Variants in NAALADL2 observed in about 807,000 individuals in gnomAD.
NAALADL2 encodes inactive N-acetylated-alpha-linked acidic dipeptidase-like protein 2.
In NAALADL2, 76 loss-of-function variants were observed where a neutral mutation model predicts 87.2. The observed-to-expected ratio is 0.87, with a 90% CI of 0.72 to 1.05. The LOEUF is 1.05. Among genes scored for constraint, NAALADL2 ranks in the 50% least tolerant of loss-of-function variants. The pLI, the probability that NAALADL2 is intolerant of heterozygous loss-of-function variation, is 0.00. For missense variants in NAALADL2, 1,089 were observed against 945.8 expected, an observed-to-expected ratio of 1.15 and a Z score of -1.99; for synonymous variants, 354 against 331.0, an observed-to-expected ratio of 1.07 and a Z score of -0.75.
intron 2 of NAALADL2, among the ~76,000 whole-genome samples, chr3:174,606,890 G>C (rs937458111): frequency 1.3e-5 from 2 of 152,144 alleles, no homozygotes; most frequent in African/African-American, 4.8e-5. Context: ...AAGTTGAAAT[G>C]AAGGAAAAAA....
chr3:175,187,644 CT>C (rs995345230), intron 2 of NAALADL2, among the ~76,000 whole-genome samples: 9 of 151,364 alleles, frequency 5.9e-5, no homozygotes, highest in South Asian at 2.1e-4. Context: ...GAAGACACAT[CT>C]TTTTTTTTAA....
intron 9 of NAALADL2, among the ~76,000 whole-genome samples, chr3:175,551,173 A>C (rs1417992928): frequency 1.3e-5 from 2 of 152,198 alleles, no homozygotes; most frequent in East Asian, 3.9e-4. Context: ...GCTACAGGCA[A>C]TACTTAAAAG....
chr3:174,587,394 A>C (rs1027906933), intron 2 of NAALADL2, among the ~76,000 whole-genome samples: 6 of 152,118 alleles, frequency 3.9e-5, no homozygotes, highest in Non-Finnish European at 7.4e-5. Flanking sequence ...TAATATTGTT[A>C]TGTGTGAATT....
intron 3 of NAALADL2, among the ~76,000 whole-genome samples, chr3:175,234,591 G>A (rs1195816020): frequency 2.0e-5 from 3 of 152,190 alleles, no homozygotes; most frequent in African/African-American, 7.2e-5. Context: ...AAGAAATTAA[G>A]TGGAAAATTG....
chr3:175,497,141 A>G (rs920726452), intron 9 of NAALADL2, among the ~76,000 whole-genome samples: 2 of 152,022 alleles, frequency 1.3e-5, no homozygotes, highest in Non-Finnish European at 2.9e-5. Context: ...TGACATGACC[A>G]TAGCTCACTG....
At chr3:175,174,795 A>ATG (rs767210969) in intron 2 of NAALADL2, among the ~76,000 whole-genome samples, 12,196 of 131,200 alleles carry the variant, frequency 0.093, 1,308 homozygotes, top group African/African-American at 0.26. Context: ...GTGTATATAT[A>ATG]TGTGTGTGTG....
chr3:174,987,591 A>AT lies in NAALADL2; in HGVS notation c.44-109199_44-109198insT, dbSNP rs1560446063. ...CTCAAAAAAAAAAAAAAAAAAAAAA[A>AT]AAAAAAACAATACTCATCAGAGAGC... is the stretch of plus-strand genomic sequence containing the variant. On this transcript the variant is annotated intron_variant, in intron 1 of 13. Transcript: ENST00000454872. Among the ~76,000 whole-genome samples the AT allele has an allele frequency of 4.9e-3, 691 of 140,658 alleles. 22 individuals are homozygous for AT. Among genetic ancestry groups the AT allele is most frequent in the African/African-American group, 0.018 (627 of 35,310 alleles). 92.3% of individuals were successfully genotyped at this position (140,658 alleles called of 152,430 possible). A position where few individuals can be genotyped will look rare whatever the true frequency, so the allele number is the denominator to read the frequency against.
chr3:175,748,408 A>T (rs1199699996), intron 12 of NAALADL2, among the ~76,000 whole-genome samples: 1 of 152,230 alleles, frequency 6.6e-6, no homozygotes, highest in African/African-American at 2.4e-5. Context: ...TTAAGATGAC[A>T]TTAGGTAATA....
intron 1 of NAALADL2, among the ~76,000 whole-genome samples, chr3:175,016,095 C>T (rs1454562117): frequency 6.6e-6 from 1 of 151,308 alleles, no homozygotes; most frequent in Non-Finnish European, 1.5e-5. Flanking sequence ...CCTGAAACTC[C>T]TTCAGTATTT....
intron 2 of NAALADL2, among the ~76,000 whole-genome samples, chr3:174,573,832 T>C (rs1471622008): frequency 6.6e-6 from 1 of 152,070 alleles, no homozygotes; most frequent in Non-Finnish European, 1.5e-5. Context: ...AGGCCCCACC[T>C]CCAACAATGG....
chr3:174,775,527 A>C (rs1030028066), intron 3 of NAALADL2, among the ~76,000 whole-genome samples: 10 of 152,148 alleles, frequency 6.6e-5, no homozygotes, highest in African/African-American at 1.9e-4. Flanking sequence ...AAACCTTTCT[A>C]TTGCAAGTTG....
At chr3:175,393,744 C>T (rs566800153) in intron 5 of NAALADL2, among the ~76,000 whole-genome samples, 35 of 152,220 alleles carry the variant, frequency 2.3e-4, no homozygotes, top group African/African-American at 5.1e-4. Context: ...CTGTTATTTA[C>T]GTAACCACAG....
intron 3 of NAALADL2, among the ~76,000 whole-genome samples, chr3:174,755,908 A>C (rs770722360): frequency 4.6e-5 from 7 of 152,162 alleles, no homozygotes; most frequent in Admixed American, 1.3e-4. Flanking sequence ...TGCTTTTGCA[A>C]TTTCTTTCTG....
intron 9 of NAALADL2, among the ~76,000 whole-genome samples, chr3:175,481,045 A>C (rs943844175): frequency 7.9e-5 from 12 of 151,980 alleles, no homozygotes; most frequent in African/African-American, 2.2e-4. Context: ...TCGTTACCTA[A>C]AGGGAAATGC....
chr3:175,412,529 ATTAG>A (rs1713729017), intron 5 of NAALADL2, among the ~76,000 whole-genome samples: 1 of 152,172 alleles, frequency 6.6e-6, no homozygotes, highest in Admixed American at 6.5e-5. Flanking sequence ...TCTCCTAGAT[ATTAG>A]TTTTTCTTTC....
At chr3:175,052,674 T>C (rs1755570723) in intron 1 of NAALADL2, among the ~76,000 whole-genome samples, 1 of 149,078 alleles carries the variant, frequency 6.7e-6, no homozygotes, top group African/African-American at 2.4e-5. Context: ...ATATTTGTTC[T>C]TTTAATATTT....
chr3:175,738,409 G>A (rs904416568), intron 12 of NAALADL2, among the ~76,000 whole-genome samples: 5 of 151,896 alleles, frequency 3.3e-5, no homozygotes, highest in South Asian at 2.1e-4. Flanking sequence ...CACCACACCC[G>A]GCTAATATTT....
At chr3:175,579,686 A>G (rs996511385) in intron 10 of NAALADL2, among the ~76,000 whole-genome samples, 1 of 152,188 alleles carries the variant, frequency 6.6e-6, no homozygotes, top group African/African-American at 2.4e-5. Context: ...TGTGAGAAGC[A>G]TTCTGTACAG....
At chr3:174,854,952 C>T (rs1311727865), upstream of NAALADL2, among the ~76,000 whole-genome samples, 1 of 151,162 alleles carries the variant, frequency 6.6e-6, no homozygotes, top group Admixed American at 6.6e-5. Context: ...ATTCTCCTGC[C>T]TCAGCCTCCC....
Sources: gnomAD v4.1 joint callset for allele counts (sites outside exome capture counted in the v4.1 genomes callset) on GRCh38, gnomAD v4.1.1 for gene constraint, MANE v1.5 for transcripts, NCBI Gene and HGNC (gene_info 2026-07-23, HGNC 2026-07-21) for gene names.